The following VASP variants were observed in gnomAD, a reference collection of about 807,000 sequenced individuals.
The protein encoded by VASP is vasodilator-stimulated phosphoprotein.
In VASP, 27 loss-of-function variants were observed where a neutral mutation model predicts 54.4. The observed-to-expected ratio is 0.50, with a 90% CI of 0.37 to 0.68. The LOEUF (loss-of-function observed/expected upper bound fraction) is 0.68. VASP is among the 30% of genes least tolerant of loss of function. VASP has a pLI of 0.00. For synonymous variants in VASP, 233 were observed against 209.8 expected (o/e 1.11, Z -0.96); for missense variants, 488 against 528.3 (o/e 0.92, Z 0.75).
At chr19:45,512,963 A>G (rs1968630364) in intron 1 of VASP, among the ~76,000 whole-genome samples, 1 of 152,164 alleles carries the variant, frequency 6.6e-6, no homozygotes, top group African/African-American at 2.4e-5. Context: ...AAAAATTTCA[A>G]TTTAGCTCTG....
chr19:45,517,535 C>G (rs1968729478), intron 1 of VASP, 128 bp from the exon 2 acceptor site: 1 of 1,184,974 alleles, frequency 8.4e-7, no homozygotes, highest in Non-Finnish European at 1.2e-6. Context: ...TCCTTCTGTC[C>G]ACGTGGCTCC....
At chr19:45,510,481 C>G (rs1221962760) in intron 1 of VASP, among the ~76,000 whole-genome samples, 1 of 152,148 alleles carries the variant, frequency 6.6e-6, no homozygotes, top group Non-Finnish European at 1.5e-5. Flanking sequence ...CCGCCTCGAC[C>G]TCCTAAAGTG....
chr19:45,524,473 A>G, intron 10 of VASP, 97 bp from the exon 11 acceptor site: 3 of 1,277,274 alleles, frequency 2.3e-6, no homozygotes, highest in South Asian at 1.2e-5. Context: ...TGCCCAATTT[A>G]TAAGGCAGAG....
intron 3 of VASP, 32 bp downstream of exon 3, chr19:45,518,126 T>C: frequency 6.2e-7 from 1 of 1,600,892 alleles, no homozygotes; most frequent in African/African-American, 1.3e-5. Flanking sequence ...AGGGGACCAG[T>C]GAATGCGGCT....
chr19:45,523,190 ATT>A (rs61288703), intron 7 of VASP, among the ~76,000 whole-genome samples: 1,824 of 74,036 alleles, frequency 0.025, no homozygotes, highest in African/African-American at 0.03. Flanking sequence ...AATCTCTTGA[ATT>A]TTTTTTTTTT....
intron 11 of VASP, 179 bp from the exon 12 acceptor site, chr19:45,525,767 G>T: frequency 1.7e-6 from 1 of 575,442 alleles, no homozygotes. Flanking sequence ...TACTTGGGAG[G>T]CTAAGGCAGG....
chr19:45,520,225 C>T (rs940889074), intron 3 of VASP, among the ~76,000 whole-genome samples: 3 of 152,112 alleles, frequency 2.0e-5, no homozygotes, highest in Non-Finnish European at 2.9e-5. Context: ...TAAACCTTAA[C>T]GTGCACATGA....
At chr19:45,523,240 T>TC (rs1968885023) in intron 7 of VASP, among the ~76,000 whole-genome samples, 2 of 138,272 alleles carry the variant, frequency 1.4e-5, no homozygotes, top group South Asian at 5.3e-4. Context: ...TCTTGCTCTG[T>TC]CACCCAGGCT....
intron 3 of VASP, among the ~76,000 whole-genome samples, chr19:45,519,730 G>A (rs1326483720): frequency 6.7e-6 from 1 of 149,764 alleles, no homozygotes; most frequent in Non-Finnish European, 1.5e-5. Flanking sequence ...CGAGTAGCTG[G>A]GACTACAGGC....
In VASP at chr19:45,524,084, T is replaced by G; in HGVS notation, c.911-13T>G. On this transcript the variant is annotated splice_polypyrimidine_tract_variant and intron_variant, in intron 9 of 12. Transcript: ENST00000245932. ...TTTGTCCCTGATCTTTCTGATTTCT[T>G]GCCTATCCCCAGAATCTGTGCGGAG... The G allele has an allele frequency of 6.2e-7, 1 of 1,614,076 alleles. No homozygotes were observed. The highest frequency in any genetic ancestry group is 1.1e-5 in the South Asian group (1 of 91,078).
intron 11 of VASP, 183 bp downstream of exon 11, chr19:45,524,843 CAG>C (rs1968924789): frequency 3.4e-6 from 2 of 580,052 alleles, no homozygotes; most frequent in Non-Finnish European, 6.2e-6. Context: ...GCACCTGTGA[CAG>C]ACATTATTAA....
rs773720700 is a variant in VASP, at chr19:45,526,309, T to C, written c.*132T>C. 2 of 1,160,304 alleles carry C rather than the reference T, an allele frequency of 1.7e-6. No homozygotes were observed. The highest frequency in any genetic ancestry group is 2.3e-6 in the Non-Finnish European group (2 of 853,232). 71.9% of individuals were successfully genotyped at this position (1,160,304 alleles called of 1,614,324 possible). On this transcript the variant is annotated 3_prime_UTR_variant, in exon 13 of 13. Transcript: ENST00000245932. ...GCATCGTTCCCACTCCCCATCCCAC[T>C]TGGAAAACTCCAAGGGGGTGTGGCT...
chr19:45,509,857 G>A (rs1052551942), intron 1 of VASP, among the ~76,000 whole-genome samples: 13 of 152,230 alleles, frequency 8.5e-5, no homozygotes, highest in South Asian at 2.1e-4. Flanking sequence ...CAACGTTGGA[G>A]GGGTGGAGGA....
chr19:45,526,374 A>C lies in VASP; in HGVS notation c.*197A>C, dbSNP rs889263558. 6 of 621,810 alleles carry C rather than the reference A, an allele frequency of 9.6e-6. No homozygotes were observed. The highest frequency in any genetic ancestry group is 1.6e-5 in the Non-Finnish European group (6 of 383,344). The allele number at this position is 621,810 out of a possible 1,614,324, so 38.5% of individuals were successfully genotyped here. A position where few individuals can be genotyped will look rare whatever the true frequency, so the allele number is the denominator to read the frequency against. Reference sequence around the variant, plus strand: ...CACACTGGCTGCTGATTGGCTGGGGAGGCCCCCGCCCTTTTCTCCCTTTGG... The same window carrying C: ...CACACTGGCTGCTGATTGGCTGGGGCGGCCCCCGCCCTTTTCTCCCTTTGG... On this transcript the variant is annotated 3_prime_UTR_variant, in exon 13 of 13. Transcript: ENST00000245932.
intron 1 of VASP, among the ~76,000 whole-genome samples, chr19:45,508,388 C>T (rs1968531194): frequency 6.6e-6 from 1 of 152,156 alleles, no homozygotes; most frequent in African/African-American, 2.4e-5. Context: ...GACGCAGCCT[C>T]CAGAGTCTGG....
rs201478700 is a variant in VASP, at chr19:45,526,010, T to A, written c.1105+7T>A. The A allele has an allele frequency of 1.0e-3, 1,633 of 1,613,354 alleles. 1 individual carries two copies. The highest frequency in any genetic ancestry group is 1.3e-3 in the Non-Finnish European group (1,531 of 1,179,838). On this transcript the variant is annotated splice_region_variant and intron_variant, in intron 12 of 12. Coordinates refer to ENST00000245932, the MANE Select transcript of VASP (RefSeq NM_003370.4). ...AAAGAGGAAATCATTGAAGGTGAGG[T>A]GGTTTGCTTTGGTTTTGTTCTTAAA...
In VASP at chr19:45,522,327, G is replaced by A. The variant is rs754933536; in HGVS notation, c.479-13G>A. Reference sequence around the variant, plus strand: ...CTCTCTCTCAGCTGCCCCCTTTTCTGTGTTTGTTTCAGGAGGCCCACCTGC... The same window carrying A: ...CTCTCTCTCAGCTGCCCCCTTTTCTATGTTTGTTTCAGGAGGCCCACCTGC... On this transcript the variant is annotated splice_polypyrimidine_tract_variant and intron_variant, in intron 5 of 12. Coordinates refer to ENST00000245932, the MANE Select transcript of VASP (RefSeq NM_003370.4). The A allele has an allele frequency of 1.9e-5, 30 of 1,610,230 alleles. No individual in the cohort carries two copies. In the South Asian group the frequency reaches 2.9e-4, roughly 15 times the overall value.
intron 11 of VASP, among the ~76,000 whole-genome samples, chr19:45,525,563 G>T (rs1051927805): frequency 1.3e-5 from 2 of 152,172 alleles, no homozygotes; most frequent in Non-Finnish European, 1.5e-5. Context: ...GCTGGGCCTT[G>T]TGGGGGGCAC....
At chr19:45,513,590 C>T (rs1264444448) in intron 1 of VASP, among the ~76,000 whole-genome samples, 2 of 151,796 alleles carry the variant, frequency 1.3e-5, no homozygotes, top group Non-Finnish European at 2.9e-5. Context: ...GCCTCAGCCT[C>T]CTGGGTAGCT....
Sources: allele counts gnomAD v4.1 joint callset (sites outside exome capture counted in the v4.1 genomes callset), GRCh38; gene constraint gnomAD v4.1.1; transcripts MANE v1.5; gene names NCBI Gene and HGNC (gene_info 2026-07-23, HGNC 2026-07-21).